Variants in MAGI2 observed in about 807,000 individuals in gnomAD.
MAGI2 encodes membrane-associated guanylate kinase, WW and PDZ domain-containing protein 2.
A neutral mutation model predicts 133.3 loss-of-function variants in MAGI2; 35 were observed. The observed-to-expected ratio is 0.26, with a 90% CI of 0.20 to 0.35. The LOEUF (loss-of-function observed/expected upper bound fraction) is 0.35. Among genes scored for constraint, MAGI2 ranks in the 10% least tolerant of loss-of-function variants. MAGI2 has a pLI of 1.00. For synonymous variants in MAGI2, 729 were observed against 710.6 expected (o/e 1.03, Z -0.41); for missense variants, 1,636 against 1,863.4 (o/e 0.88, Z 2.25).
chr7:79,098,193 T>C lies in MAGI2; in HGVS notation c.302-90987A>G, dbSNP rs144868648. On this transcript the variant is annotated intron_variant, in intron 1 of 21. Coordinates refer to ENST00000354212, the MANE Select transcript of MAGI2 (RefSeq NM_012301.4). ...CCTGCAGTCTGGAATGTGTGTGTAA[T>C]AGTTGGAGCTTAAGCAGCTTCCTTG... Among the ~76,000 whole-genome samples, 266 of 152,270 alleles carry C rather than the reference T, an allele frequency of 1.7e-3. 2 individuals are homozygous for C. Among genetic ancestry groups the C allele is most frequent in the Non-Finnish European group, 3.3e-3 (225 of 68,012 alleles).
chr7:78,800,833 T>C (rs1788000306), intron 2 of MAGI2, among the ~76,000 whole-genome samples: 1 of 152,086 alleles, frequency 6.6e-6, no homozygotes. Context: ...ATTTGTAAGA[T>C]GCTTGAATGG....
At chr7:78,750,539 A>G (rs147835755) in intron 2 of MAGI2, among the ~76,000 whole-genome samples, 181 of 152,302 alleles carry the variant, frequency 1.2e-3, no homozygotes, top group African/African-American at 4.2e-3. Context: ...GTCTTACAAG[A>G]TAACTTCTGG....
rs926950682 is a variant in MAGI2 at position 78,611,622 on chromosome 7, A to C, written c.538+15498T>G. On this transcript the variant is annotated intron_variant, in intron 3 of 21. Coordinates refer to ENST00000354212, the MANE Select transcript of MAGI2 (RefSeq NM_012301.4). Reference sequence around the variant, plus strand: ...CTGTTCCAGTGCTGTTTGTTGGAAAATGTGATGTACACAGTGGTATGGCTT... The same window carrying C: ...CTGTTCCAGTGCTGTTTGTTGGAAACTGTGATGTACACAGTGGTATGGCTT... Among the ~76,000 whole-genome samples the C allele has an allele frequency of 3.3e-5, 5 of 152,184 alleles. No homozygotes were observed. In the South Asian group the frequency reaches 1.0e-3, roughly 31 times the overall value.
At chr7:79,247,390 G>T (rs1398712137) in intron 1 of MAGI2, among the ~76,000 whole-genome samples, 1 of 152,146 alleles carries the variant, frequency 6.6e-6, no homozygotes, top group Non-Finnish European at 1.5e-5. Flanking sequence ...TGAGTTAGGA[G>T]GACCGCTTGA....
intron 1 of MAGI2, among the ~76,000 whole-genome samples, chr7:79,371,622 C>G (rs1019633802): frequency 2.6e-5 from 4 of 151,994 alleles, no homozygotes; most frequent in African/African-American, 9.7e-5. Context: ...TATATAATAG[C>G]GTACATATGT....
At chr7:79,242,376 C>T (rs1441832576) in intron 1 of MAGI2, among the ~76,000 whole-genome samples, 1 of 152,092 alleles carries the variant, frequency 6.6e-6, no homozygotes, top group Non-Finnish European at 1.5e-5. Flanking sequence ...TGTTTTAAAG[C>T]ATAAGTTAAG....
chr7:78,868,756 T>C (rs571130413), intron 2 of MAGI2, among the ~76,000 whole-genome samples: 3,833 of 118,404 alleles, frequency 0.032, 73 homozygotes, highest in Middle Eastern at 0.064. Context: ...AAGGAAGTAA[T>C]ACATACTTTT....
At chr7:79,096,397 T>A (rs1398662303) in intron 1 of MAGI2, among the ~76,000 whole-genome samples, 1 of 152,200 alleles carries the variant, frequency 6.6e-6, no homozygotes, top group Non-Finnish European at 1.5e-5. Flanking sequence ...GTGCCTTGTG[T>A]ACAGCTTCCT....
chr7:78,765,202 A>T (rs1824889158), intron 2 of MAGI2, among the ~76,000 whole-genome samples: 1 of 152,196 alleles, frequency 6.6e-6, no homozygotes, highest in South Asian at 2.1e-4. Context: ...TCCACCTATT[A>T]GGTTTCCAAA....
At chr7:79,210,002 A>T (rs1014539141) in intron 1 of MAGI2, among the ~76,000 whole-genome samples, 4 of 152,072 alleles carry the variant, frequency 2.6e-5, no homozygotes, top group Admixed American at 6.6e-5. Flanking sequence ...ATTGATAAAC[A>T]AAATGAAAGA....
chr7:79,178,159 G>T (rs552651444), intron 1 of MAGI2, among the ~76,000 whole-genome samples: 1 of 151,458 alleles, frequency 6.6e-6, no homozygotes, highest in Non-Finnish European at 1.5e-5. Context: ...CTTTCTTGTC[G>T]CTGTACTTCC....
intron 2 of MAGI2, among the ~76,000 whole-genome samples, chr7:78,702,015 A>G (rs994160415): frequency 1.5e-4 from 23 of 152,108 alleles, no homozygotes; most frequent in Non-Finnish European, 2.9e-4. Context: ...AGTTAATAGA[A>G]GAAGGGAACT....
At chr7:79,234,200 C>A (rs1301767066) in intron 1 of MAGI2, among the ~76,000 whole-genome samples, 29 of 128,540 alleles carry the variant, frequency 2.3e-4, no homozygotes, top group South Asian at 5.6e-4. Flanking sequence ...GAGGGTAACC[C>A]GACCTTTCTC....
intron 2 of MAGI2, among the ~76,000 whole-genome samples, chr7:78,886,336 A>G (rs1211421719): frequency 6.6e-6 from 1 of 152,240 alleles, no homozygotes; most frequent in Non-Finnish European, 1.5e-5. Context: ...GGCTGCATTA[A>G]TAAGAAATTA....
chr7:79,133,326 T>A (rs1163968567), intron 1 of MAGI2, among the ~76,000 whole-genome samples: 4 of 152,188 alleles, frequency 2.6e-5, no homozygotes, highest in Non-Finnish European at 4.4e-5. Context: ...GACTTTTTTT[T>A]ATAAGGTAAG....
At chr7:79,226,275 C>A (rs141112829) in intron 1 of MAGI2, among the ~76,000 whole-genome samples, 2 of 152,140 alleles carry the variant, frequency 1.3e-5, no homozygotes, top group African/African-American at 4.8e-5. Flanking sequence ...AAGATAGTTA[C>A]AGTTTCCAAT....
At chr7:78,510,619 G>C (rs1795480580) in intron 4 of MAGI2, among the ~76,000 whole-genome samples, 2 of 152,104 alleles carry the variant, frequency 1.3e-5, no homozygotes, top group South Asian at 2.1e-4. Context: ...TTCTTTAAAA[G>C]GTGTTTGCAT....
chr7:78,311,773 CT>C (rs11332610), intron 9 of MAGI2, among the ~76,000 whole-genome samples: 3,985 of 138,718 alleles, frequency 0.029, 73 homozygotes, highest in Middle Eastern at 0.053. Flanking sequence ...TTCACAAATT[CT>C]TTTTTTTTTT....
intron 1 of MAGI2, among the ~76,000 whole-genome samples, chr7:79,407,509 T>C (rs1490829145): frequency 6.6e-6 from 1 of 152,130 alleles, no homozygotes; most frequent in Non-Finnish European, 1.5e-5. Flanking sequence ...CTGAACTTGT[T>C]CGTTCTAACT....
Sources: gnomAD v4.1 joint callset for allele counts (sites outside exome capture counted in the v4.1 genomes callset) on GRCh38, gnomAD v4.1.1 for gene constraint, MANE v1.5 for transcripts, NCBI Gene and HGNC (gene_info 2026-07-23, HGNC 2026-07-21) for gene names.